The following RBFOX1 variants were observed in gnomAD, a reference collection of about 807,000 sequenced individuals.
The protein encoded by RBFOX1 is RNA binding protein fox-1 homolog 1.
A neutral mutation model predicts 57.7 loss-of-function variants in RBFOX1; 8 were observed. The ratio of observed to expected loss-of-function variants is 0.14; its 90% CI spans 0.08 to 0.25. RBFOX1 has a LOEUF of 0.25. Ranked by LOEUF, RBFOX1 falls within the 10% of genes least tolerant of loss-of-function variation. The pLI is 1.00. For missense variants in RBFOX1, 611 were observed against 548.5 expected (o/e 1.11, Z -1.14); for synonymous variants, 326 against 222.4 (o/e 1.47, Z -4.15).
At chr16:5,625,098 G>T (rs2048310087) in intron 3 of RBFOX1, among the ~76,000 whole-genome samples, 1 of 152,116 alleles carries the variant, frequency 6.6e-6, no homozygotes, top group Non-Finnish European at 1.5e-5. Flanking sequence ...GCAATGAAAT[G>T]GACCCAGCGT....
chr16:6,927,029 A>T (rs550772100), intron 3 of RBFOX1, among the ~76,000 whole-genome samples: 1 of 151,994 alleles, frequency 6.6e-6, no homozygotes, highest in East Asian at 1.9e-4. Flanking sequence ...GATTACTATT[A>T]ACCCTTCGTT....
intron 4 of RBFOX1, among the ~76,000 whole-genome samples, chr16:5,945,914 C>T (rs1029612921): frequency 6.6e-6 from 1 of 152,178 alleles, no homozygotes; most frequent in African/African-American, 2.4e-5. Flanking sequence ...CCACTCCATG[C>T]CATGGGCGAG....
intron 1 of RBFOX1, among the ~76,000 whole-genome samples, chr16:6,199,003 T>C (rs1183320197): frequency 6.6e-6 from 1 of 152,068 alleles, no homozygotes; most frequent in Non-Finnish European, 1.5e-5. Context: ...ATCTCTCTGA[T>C]AGAATATATA....
At chr16:6,003,958 A>G (rs981656911) in intron 4 of RBFOX1, among the ~76,000 whole-genome samples, 4 of 152,204 alleles carry the variant, frequency 2.6e-5, no homozygotes, top group African/African-American at 9.6e-5. Flanking sequence ...AATTTTAGAA[A>G]TATTCAGCAG....
In RBFOX1 at chr16:6,194,175, CTTG is replaced by C. The variant is rs532835591; in HGVS notation, c.-126-122814_-126-122812del. Among the ~76,000 whole-genome samples, 29 of 152,238 alleles carry C rather than the reference CTTG, an allele frequency of 1.9e-4. No individual in the cohort carries two copies. The East Asian group carries it at 4.8e-3, about 25-fold the overall frequency. ...GGCCCTCAGGTCCTCAGTTTAGAAACTTGTTGTTCAGGCTCTGCAGCTCCCCCA... is the reference window on the plus strand; with the variant it reads ...GGCCCTCAGGTCCTCAGTTTAGAAACTTGTTCAGGCTCTGCAGCTCCCCCA... On this transcript the variant is annotated intron_variant, in intron 1 of 15. Coordinates refer to ENST00000550418, the MANE Select transcript of RBFOX1 (RefSeq NM_018723.4).
At chr16:5,307,200 G>A (rs925494838) in intron 1 of RBFOX1, among the ~76,000 whole-genome samples, 1 of 152,064 alleles carries the variant, frequency 6.6e-6, no homozygotes, top group African/African-American at 2.4e-5. Flanking sequence ...TCATTGCTTT[G>A]CTTGCATTTC....
At chr16:7,550,054 C>G (rs989826319) in intron 5 of RBFOX1, among the ~76,000 whole-genome samples, 2 of 152,102 alleles carry the variant, frequency 1.3e-5, no homozygotes, top group African/African-American at 2.4e-5. Flanking sequence ...CTCAGCCTCC[C>G]TAGTAGCTGG....
chr16:6,813,671 C>G (rs539720602), intron 3 of RBFOX1, among the ~76,000 whole-genome samples: 1 of 152,110 alleles, frequency 6.6e-6, no homozygotes, highest in Non-Finnish European at 1.5e-5. Context: ...TTTTGAATTT[C>G]TTTATCACCT....
intron 3 of RBFOX1, among the ~76,000 whole-genome samples, chr16:5,689,274 T>C (rs1567400470): frequency 6.6e-6 from 1 of 152,164 alleles, no homozygotes; most frequent in Non-Finnish European, 1.5e-5. Context: ...CATTTACAAG[T>C]TACCTGCTGG....
chr16:6,265,233 T>A (rs936071032), intron 1 of RBFOX1, among the ~76,000 whole-genome samples: 1 of 152,128 alleles, frequency 6.6e-6, no homozygotes, highest in African/African-American at 2.4e-5. Flanking sequence ...TGGCCCTATT[T>A]TTTTTTTGAC....
intron 3 of RBFOX1, among the ~76,000 whole-genome samples, chr16:5,809,385 C>T (rs1266738503): frequency 1.3e-5 from 2 of 152,194 alleles, no homozygotes; most frequent in South Asian, 2.1e-4. Flanking sequence ...AGTGAACAGG[C>T]AGCCTACACA....
chr16:7,388,311 T>C (rs1210416510), intron 4 of RBFOX1, among the ~76,000 whole-genome samples: 1 of 152,172 alleles, frequency 6.6e-6, no homozygotes, highest in Non-Finnish European at 1.5e-5. Context: ...TCTGGGGAAA[T>C]TCCTGAATAC....
chr16:5,384,619 T>G (rs2151400025), intron 1 of RBFOX1, among the ~76,000 whole-genome samples: 2 of 152,216 alleles, frequency 1.3e-5, no homozygotes, highest in Admixed American at 1.3e-4. Context: ...CATTCTAGGT[T>G]TTTGAGCAGA....
At chr16:6,281,405 G>A (rs756315553) in intron 1 of RBFOX1, among the ~76,000 whole-genome samples, 14 of 152,084 alleles carry the variant, frequency 9.2e-5, no homozygotes, top group Admixed American at 6.6e-4. Flanking sequence ...CACCAACTCC[G>A]GAGCCCACGC....
At chr16:7,140,991 C>A (rs1478347335) in intron 4 of RBFOX1, among the ~76,000 whole-genome samples, 1 of 152,150 alleles carries the variant, frequency 6.6e-6, no homozygotes, top group Admixed American at 6.5e-5. Flanking sequence ...GAGGAACCCT[C>A]GTTGGAAGTA....
intron 3 of RBFOX1, among the ~76,000 whole-genome samples, chr16:5,846,197 AG>A (rs2056753310): frequency 1.3e-5 from 2 of 151,344 alleles, no homozygotes; most frequent in South Asian, 4.2e-4. Flanking sequence ...AAAAAAAAAA[AG>A]AATTTAGTGA....
chr16:6,967,579 C>G (rs996042824), intron 3 of RBFOX1, among the ~76,000 whole-genome samples: 2 of 152,106 alleles, frequency 1.3e-5, no homozygotes, highest in African/African-American at 2.4e-5. Context: ...CTTTACATGT[C>G]ATCAGCTTCT....
chr16:5,929,381 G>A (rs2059001624), intron 4 of RBFOX1, among the ~76,000 whole-genome samples: 2 of 152,042 alleles, frequency 1.3e-5, no homozygotes, highest in Non-Finnish European at 2.9e-5. Flanking sequence ...TAATGTCTGA[G>A]AATCATGGTT....
chr16:7,367,950 G>A (rs951230919), intron 4 of RBFOX1, among the ~76,000 whole-genome samples: 14 of 151,602 alleles, frequency 9.2e-5, no homozygotes, highest in African/African-American at 3.4e-4. Context: ...ATTAGCCCAA[G>A]GGTCACCAGT....
Sources: allele counts gnomAD v4.1 joint callset (sites outside exome capture counted in the v4.1 genomes callset), GRCh38; gene constraint gnomAD v4.1.1; transcripts MANE v1.5; gene names NCBI Gene and HGNC (gene_info 2026-07-23, HGNC 2026-07-21).